Variants in SHISA6 observed in about 807,000 individuals in gnomAD.
The protein encoded by SHISA6 is protein shisa-6.
In SHISA6, 22 loss-of-function variants were observed where a neutral mutation model predicts 47.9. The ratio of observed to expected loss-of-function variants is 0.46; its 90% CI spans 0.33 to 0.66. The LOEUF (loss-of-function observed/expected upper bound fraction) is 0.66. Ranked by LOEUF, SHISA6 falls within the 30% of genes least tolerant of loss-of-function variation. The pLI, the probability that SHISA6 is intolerant of heterozygous loss-of-function variation, is 0.02. For synonymous variants in SHISA6, 388 were observed against 337.8 expected, an observed-to-expected ratio of 1.15 and a Z score of -1.63; for missense variants, 680 against 764.6, an observed-to-expected ratio of 0.89 and a Z score of 1.30.
chr17:11,466,036 T>C (rs1915803505), intron 3 of SHISA6, among the ~76,000 whole-genome samples: 1 of 152,094 alleles, frequency 6.6e-6, no homozygotes, highest in Non-Finnish European at 1.5e-5. Flanking sequence ...GGCACCTTGT[T>C]CTTCTAGATT....
intron 3 of SHISA6, among the ~76,000 whole-genome samples, chr17:11,528,752 G>A (rs2071708054): frequency 6.6e-6 from 1 of 152,084 alleles, no homozygotes; most frequent in African/African-American, 2.4e-5. Flanking sequence ...AGATGCTTTT[G>A]GGCAACAGAC....
intron 3 of SHISA6, among the ~76,000 whole-genome samples, chr17:11,463,900 G>A (rs1915749278): frequency 6.6e-6 from 1 of 152,090 alleles, no homozygotes; most frequent in African/African-American, 2.4e-5. Flanking sequence ...TTGAATTTTA[G>A]ATTGTGCAGA....
intron 2 of SHISA6, among the ~76,000 whole-genome samples, chr17:11,362,004 T>G (rs187375945): frequency 6.6e-6 from 1 of 152,346 alleles, no homozygotes; most frequent in Admixed American, 6.5e-5. Flanking sequence ...CATAGCCATT[T>G]GATCAACCGA....
Position 11,479,000 on chromosome 17 carries a change from A to G in SHISA6, c.896-72896A>G, listed in dbSNP as rs549118392. Among the ~76,000 whole-genome samples the G allele has an allele frequency of 5.8e-4, 88 of 152,288 alleles. 1 individual carries two copies. In the East Asian group the frequency reaches 0.015, roughly 27 times the overall value. ...CCATGCTCATGGGTAGGAAGAATCAATATCGTGAAAATGGCCATACTGCCC... is the reference window on the plus strand; with the variant it reads ...CCATGCTCATGGGTAGGAAGAATCAGTATCGTGAAAATGGCCATACTGCCC... On this transcript the variant is annotated intron_variant, in intron 3 of 5. Coordinates refer to ENST00000441885, the MANE Select transcript of SHISA6 (RefSeq NM_207386.4).
chr17:11,273,729 C>T (rs756589748), intron 2 of SHISA6, among the ~76,000 whole-genome samples: 20 of 152,174 alleles, frequency 1.3e-4, no homozygotes, highest in Non-Finnish European at 2.6e-4. Flanking sequence ...GATGGGCAGC[C>T]TGCCCGCAGG....
At chr17:11,323,917 T>C (rs921758548) in intron 2 of SHISA6, among the ~76,000 whole-genome samples, 1 of 152,168 alleles carries the variant, frequency 6.6e-6, no homozygotes, top group Non-Finnish European at 1.5e-5. Flanking sequence ...AAAGCACTTA[T>C]TTTTCATTTA....
At chr17:11,256,524 C>G (rs979464255) in intron 1 of SHISA6, among the ~76,000 whole-genome samples, 3 of 152,096 alleles carry the variant, frequency 2.0e-5, no homozygotes, top group Non-Finnish European at 2.9e-5. Flanking sequence ...ACAACGCCAA[C>G]AATCACAAGA....
intron 2 of SHISA6, among the ~76,000 whole-genome samples, chr17:11,333,474 T>A (rs205037): frequency 0.64 from 97,883 of 151,986 alleles, 31,614 homozygotes; most frequent in East Asian, 0.8. Context: ...GGCTAATCTG[T>A]TGAAAACTCT....
intron 3 of SHISA6, among the ~76,000 whole-genome samples, chr17:11,523,844 A>G (rs2071652347): frequency 6.6e-6 from 1 of 152,006 alleles, no homozygotes; most frequent in Non-Finnish European, 1.5e-5. Context: ...TGTCTCTACT[A>G]AAAATACAAA....
intron 3 of SHISA6, among the ~76,000 whole-genome samples, chr17:11,459,728 A>G (rs1489264519): frequency 3.9e-5 from 6 of 152,218 alleles, no homozygotes; most frequent in Admixed American, 3.9e-4. Context: ...GAGTCTGTAT[A>G]TGAAACACAG....
intron 2 of SHISA6, among the ~76,000 whole-genome samples, chr17:11,272,205 A>G (rs1908701451): frequency 6.6e-6 from 1 of 151,720 alleles, no homozygotes; most frequent in African/African-American, 2.4e-5. Context: ...CTACTCAAAC[A>G]CATTTGGGTC....
At chr17:11,314,672 A>T (rs1910447640) in intron 2 of SHISA6, among the ~76,000 whole-genome samples, 1 of 151,840 alleles carries the variant, frequency 6.6e-6, no homozygotes, top group African/African-American at 2.4e-5. Context: ...AGTAGCTAGG[A>T]TTACAGCTGA....
chr17:11,498,497 A>T (rs1397065089), intron 3 of SHISA6, among the ~76,000 whole-genome samples: 9 of 152,208 alleles, frequency 5.9e-5, no homozygotes, highest in Non-Finnish European at 1.5e-5. Context: ...TACAGTTCAA[A>T]ATAACTGGAG....
chr17:11,501,359 G>A lies in SHISA6; in HGVS notation c.896-50537G>A, dbSNP rs548326635. 2.0e-5 allele frequency among the ~76,000 whole-genome samples: 3 copies of A among 152,200 alleles called. No individual in the cohort carries two copies. The South Asian group carries it at 6.2e-4, about 32-fold the overall frequency. ...ACTCCTGACCTCAGGTGATCCACCCGCCTCAGCCTCCCAAAGTGCTGGGAT... is the reference window on the plus strand; with the variant it reads ...ACTCCTGACCTCAGGTGATCCACCCACCTCAGCCTCCCAAAGTGCTGGGAT... On this transcript the variant is annotated intron_variant, in intron 3 of 5. Coordinates refer to ENST00000441885, the MANE Select transcript of SHISA6 (RefSeq NM_207386.4).
intron 4 of SHISA6, among the ~76,000 whole-genome samples, chr17:11,552,448 T>C (rs1205456711): frequency 1.3e-5 from 2 of 152,204 alleles, no homozygotes; most frequent in African/African-American, 4.8e-5. Flanking sequence ...AGTGTTAGCA[T>C]AGTGCCCAAG....
intron 3 of SHISA6, among the ~76,000 whole-genome samples, chr17:11,381,365 T>C (rs1913001795): frequency 6.6e-6 from 1 of 152,222 alleles, no homozygotes; most frequent in Non-Finnish European, 1.5e-5. Flanking sequence ...AAGCAATATT[T>C]AGAAGTTATG....
chr17:11,280,825 G>A (rs1464514627), intron 2 of SHISA6, among the ~76,000 whole-genome samples: 1 of 152,204 alleles, frequency 6.6e-6, no homozygotes, highest in Non-Finnish European at 1.5e-5. Flanking sequence ...ATGAGAGCAA[G>A]TTAGAGAAGA....
intron 2 of SHISA6, among the ~76,000 whole-genome samples, chr17:11,378,300 T>G (rs1278648506): frequency 1.3e-5 from 2 of 152,112 alleles, no homozygotes; most frequent in Non-Finnish European, 2.9e-5. Flanking sequence ...ACATTTGTCT[T>G]TGATATGTTT....
chr17:11,505,377 T>C (rs573833839), intron 3 of SHISA6, among the ~76,000 whole-genome samples: 10 of 152,210 alleles, frequency 6.6e-5, no homozygotes, highest in Non-Finnish European at 1.3e-4. Flanking sequence ...TCTGTTAACC[T>C]TGTAGGGATA....
Sources: allele counts gnomAD v4.1 joint callset (sites outside exome capture counted in the v4.1 genomes callset), GRCh38; gene constraint gnomAD v4.1.1; transcripts MANE v1.5; gene names NCBI Gene and HGNC (gene_info 2026-07-23, HGNC 2026-07-21).